ACACA: variants seen among roughly 807,000 people sequenced by gnomAD.
ACACA encodes acetyl-CoA carboxylase alpha.
Under a neutral mutation model 296.1 loss-of-function variants are expected in ACACA, and 103 were observed. The observed-to-expected ratio is 0.35, with a 90% CI of 0.30 to 0.41. The LOEUF is 0.41. Among genes scored for constraint, ACACA ranks in the 10% least tolerant of loss-of-function variants. ACACA has a pLI of 1.00. For synonymous variants in ACACA, 953 were observed against 1,038.6 expected, an observed-to-expected ratio of 0.92 and a Z score of 1.58; for missense variants, 1,554 against 2,989.7, an observed-to-expected ratio of 0.52 and a Z score of 11.20.
intron 47 of ACACA, 146 bp downstream of exon 47, chr17:37,129,218 AG>A: frequency 9.4e-7 from 1 of 1,067,642 alleles, no homozygotes; most frequent in Non-Finnish European, 1.4e-6. Context: ...TTTTCTTCAG[AG>A]GGCTGGTTTT....
intron 3 of ACACA, among the ~76,000 whole-genome samples, chr17:37,324,529 G>A (rs1348419832): frequency 2.0e-5 from 3 of 149,804 alleles, no homozygotes; most frequent in South Asian, 2.1e-4. Context: ...AATTAGCCAG[G>A]CATGGTGGCA....
At chr17:37,131,040 T>G (rs1483087836) in intron 45 of ACACA, among the ~76,000 whole-genome samples, 1 of 151,908 alleles carries the variant, frequency 6.6e-6, no homozygotes, top group Non-Finnish European at 1.5e-5. Context: ...CAACTCATGA[T>G]ACATACATGA....
intron 3 of ACACA, among the ~76,000 whole-genome samples, chr17:37,320,903 C>T (rs990455969): frequency 1.6e-4 from 24 of 150,922 alleles, no homozygotes; most frequent in African/African-American, 5.4e-4. Flanking sequence ...GCCGAGATCA[C>T]GCCATCGCAC....
At chr17:37,171,860 C>T (rs966975557) in intron 41 of ACACA, among the ~76,000 whole-genome samples, 12 of 152,130 alleles carry the variant, frequency 7.9e-5, no homozygotes, top group Admixed American at 7.9e-4. Context: ...TATTTTTTAA[C>T]AAACATGCAG....
At chr17:37,321,225 C>T (rs977192970) in intron 3 of ACACA, among the ~76,000 whole-genome samples, 4 of 152,144 alleles carry the variant, frequency 2.6e-5, no homozygotes, top group African/African-American at 9.7e-5. Context: ...TCTTTTGACC[C>T]AATGGAAGAA....
intron 45 of ACACA, among the ~76,000 whole-genome samples, chr17:37,142,903 A>G (rs1010161419): frequency 1.3e-5 from 2 of 152,216 alleles, no homozygotes; most frequent in African/African-American, 4.8e-5. Flanking sequence ...AAGAATCAGA[A>G]AGTATAGAGA....
chr17:37,151,541 G>T, intron 43 of ACACA, 120 bp from the exon 44 acceptor site: 1 of 1,207,562 alleles, frequency 8.3e-7, no homozygotes, highest in East Asian at 2.5e-5. Context: ...TTAATGCCAG[G>T]GCTTTATGTG....
intron 33 of ACACA, among the ~76,000 whole-genome samples, chr17:37,204,173 A>G (rs1430255764): frequency 6.6e-6 from 1 of 152,238 alleles, no homozygotes; most frequent in Non-Finnish European, 1.5e-5. Flanking sequence ...AAGAGAACAC[A>G]TGGGTCTTGC....
At chr17:37,238,680 A>G (rs965193995) in intron 24 of ACACA, among the ~76,000 whole-genome samples, 2 of 152,244 alleles carry the variant, frequency 1.3e-5, no homozygotes, top group African/African-American at 2.4e-5. Context: ...CTAATAGTGT[A>G]CATTCCAATT....
intron 16 of ACACA, among the ~76,000 whole-genome samples, chr17:37,249,894 G>A (rs898997007): frequency 6.6e-6 from 1 of 152,166 alleles, no homozygotes; most frequent in African/African-American, 2.4e-5. Context: ...AATCATGGGG[G>A]CGGTTCCCCC....
intron 14 of ACACA, among the ~76,000 whole-genome samples, chr17:37,254,757 G>A (rs1004966094): frequency 1.3e-5 from 2 of 151,894 alleles, no homozygotes; most frequent in African/African-American, 4.8e-5. Context: ...GCCGAGTTGG[G>A]CAGATCACTC....
Position 37,113,123 on chromosome 17 carries a change from G to A in ACACA, c.6417C>T (p.Pro2139=). 1 of 1,614,158 alleles carries A rather than the reference G, an allele frequency of 6.2e-7. No individual in the cohort carries two copies. Among genetic ancestry groups the A allele is most frequent in the Non-Finnish European group, 8.5e-7 (1 of 1,180,032 alleles). Residue 2139 remains proline (P), a synonymous_variant, in exon 51 of 56, where the codon CCC becomes CCT. Coordinates refer to ENST00000616317, the MANE Select transcript of ACACA (RefSeq NM_198834.3). The surrounding 1 kb of genome is among the most constrained non-coding windows in gnomAD (Gnocchi z 4.0). ...GGTCAGCATACATCTCCATGTGCCG[G>A]GGGTTGATGGAGGAGTCAATCACCA... ...SWVVIDSSIN[P]RHMEMYADRE...
intron 1 of ACACA, among the ~76,000 whole-genome samples, chr17:37,370,330 G>A (rs2049757424): frequency 6.6e-6 from 1 of 151,656 alleles, no homozygotes. Context: ...TTGATGGTGA[G>A]GAGTGACTGG....
intron 52 of ACACA, among the ~76,000 whole-genome samples, chr17:37,099,575 GGGAGGGCTGATGGCA>G (rs1343172321): frequency 1.1e-4 from 10 of 88,168 alleles, no homozygotes; most frequent in East Asian, 3.6e-4. Flanking sequence ...GGCTGATGGC[GGGAGGGCTGATGGCA>G]GGAGGGCTGA....
At chr17:37,361,040 CT>C (rs11442383) in intron 1 of ACACA, among the ~76,000 whole-genome samples, 780 of 137,008 alleles carry the variant, frequency 5.7e-3, no homozygotes, top group Non-Finnish European at 3.8e-3. Flanking sequence ...CCCCAGGATT[CT>C]TTTTTTTTTT....
Position 37,143,775 on chromosome 17 carries a change from T to TC in ACACA, c.5679+6088dup, listed in dbSNP as rs367809823. The TC allele has an allele frequency of 6.2e-5, 63 of 1,014,250 alleles. 3 individuals carry two copies. Among genetic ancestry groups the TC allele is most frequent in the East Asian group, 2.9e-4 (12 of 42,020 alleles). The allele number at this position is 1,014,250 out of a possible 1,614,324, so 62.8% of individuals were successfully genotyped here. On this transcript the variant is annotated intron_variant, in intron 45 of 55. Coordinates refer to ENST00000616317, the MANE Select transcript of ACACA (RefSeq NM_198834.3). ...TTCTTGCTTTTTCGGCCTTGGCAAC[T>TC]CCCTTTTTTGCTGCATCAGGCTTTC...
At chr17:37,176,669 A>G (rs894599380) in intron 41 of ACACA, among the ~76,000 whole-genome samples, 2 of 152,192 alleles carry the variant, frequency 1.3e-5, no homozygotes, top group Non-Finnish European at 2.9e-5. Flanking sequence ...TCCTACTGAC[A>G]CTTTGTCATC....
chr17:37,203,418 A>C (rs1004131273), intron 33 of ACACA, among the ~76,000 whole-genome samples: 5 of 152,000 alleles, frequency 3.3e-5, no homozygotes, highest in African/African-American at 1.2e-4. Flanking sequence ...TTATTTCATG[A>C]AGCAGCAGCA....
chr17:37,328,795 C>A, intron 3 of ACACA: 1 of 398,202 alleles, frequency 2.5e-6, no homozygotes, highest in Admixed American at 4.4e-5. Flanking sequence ...CTAGGGTACA[C>A]CTATAATCTG....
Sources: gnomAD v4.1 joint callset for allele counts (sites outside exome capture counted in the v4.1 genomes callset) on GRCh38, gnomAD v4.1.1 for gene constraint, Gnocchi (gnomAD v3.1) non-coding constraint, MANE v1.5 for transcripts, NCBI Gene and HGNC (gene_info 2026-07-23, HGNC 2026-07-21) for gene names.